SHLD2: variants seen among roughly 807,000 people sequenced by gnomAD.
SHLD2 encodes the protein RINN1-REV7-interacting novel NHEJ regulator 2.
In SHLD2, 30 loss-of-function variants were observed where a neutral mutation model predicts 73.2. The observed-to-expected ratio is 0.41, with a 90% CI of 0.31 to 0.56. The LOEUF is 0.56. Ranked by LOEUF, SHLD2 falls within the 20% of genes least tolerant of loss-of-function variation. SHLD2 has a pLI of 0.28. For synonymous variants in SHLD2, 285 were observed against 370.1 expected (o/e 0.77, Z 2.64); for missense variants, 745 against 1,055.9 (o/e 0.71, Z 4.08).
intron 4 of SHLD2, among the ~76,000 whole-genome samples, chr10:87,161,796 A>G (rs1356234635): frequency 6.6e-6 from 1 of 152,212 alleles, no homozygotes; most frequent in Admixed American, 6.5e-5. Flanking sequence ...ACATGCAAGA[A>G]TAGCTAGGAA....
intron 2 of SHLD2, among the ~76,000 whole-genome samples, chr10:87,107,392 C>T (rs984953177): frequency 6.6e-6 from 1 of 151,692 alleles, no homozygotes; most frequent in African/African-American, 2.4e-5. Context: ...CCAGCCTGGG[C>T]AACAAGAGGG....
At chr10:87,121,633 T>G (rs1466283570) in intron 2 of SHLD2, among the ~76,000 whole-genome samples, 1 of 152,140 alleles carries the variant, frequency 6.6e-6, no homozygotes, top group African/African-American at 2.4e-5. Flanking sequence ...TTTGAGAGCC[T>G]GCTCTACTCA....
chr10:87,144,540 A>T (rs1188856866), intron 2 of SHLD2, among the ~76,000 whole-genome samples: 8 of 150,506 alleles, frequency 5.3e-5, no homozygotes, highest in Admixed American at 4.7e-4. Flanking sequence ...ATCATCTTAT[A>T]TCCTTTCATA....
chr10:87,187,119 G>A lies in SHLD2; in HGVS notation c.2434G>A (p.Asp812Asn). The part of the protein sequence containing the change: ...ALMTAIDGRH[D>N]VCIRVESKLI... ...AATGACTGCCATTGATGGAAGACAT[G>A]ATGTTTGTATCCGTGTAGAATCAAA... The change falls in exon 9 of 10, where the codon GAT becomes AAT. Residue 812 changes from aspartate (D) to asparagine (N), a missense_variant. Transcript: ENST00000298786. 1 of 1,613,478 alleles carries A rather than the reference G, an allele frequency of 6.2e-7. No individual in the cohort carries two copies. Among genetic ancestry groups the A allele is most frequent in the South Asian group, 1.1e-5 (1 of 91,064 alleles).
chr10:87,102,866 A>AT (rs1348465594), intron 2 of SHLD2, among the ~76,000 whole-genome samples: 2 of 151,928 alleles, frequency 1.3e-5, no homozygotes, highest in Admixed American at 1.3e-4. Flanking sequence ...GACTTTTTTT[A>AT]TTTTTTAAAG....
chr10:87,109,725 T>C (rs1170568890), intron 2 of SHLD2, among the ~76,000 whole-genome samples: 1 of 152,226 alleles, frequency 6.6e-6, no homozygotes, highest in Non-Finnish European at 1.5e-5. Context: ...TTGATCAGTG[T>C]GAGAGAACTG....
In SHLD2 at chr10:87,096,918, G is replaced by C. The variant is rs564335329; in HGVS notation, c.-61-16G>C. ...TAAGTCATTGTCATTAATTGTATTT[G>C]CACTGTGTTTTTCAGTGAAAAATGT... On this transcript the variant is annotated splice_polypyrimidine_tract_variant and intron_variant, in intron 1 of 9. Transcript: ENST00000298786. The C allele has an allele frequency of 1.3e-5, 2 of 152,058 alleles. No individual in the cohort carries two copies. Among genetic ancestry groups the C allele is most frequent in the Non-Finnish European group, 2.9e-5 (2 of 68,008 alleles). The allele number at this position is 152,058 out of a possible 1,614,324, so 9.4% of individuals were successfully genotyped here.
chr10:87,094,964 G>C, upstream of SHLD2: 1 of 240,846 alleles, frequency 4.2e-6, no homozygotes, highest in Middle Eastern at 1.3e-3. This position sits in a 1 kb window ranked among gnomAD's most constrained non-coding sequence, Gnocchi z 6.6. Context: ...GCGCCGCCCA[G>C]GGCGCCGGGC....
At chr10:87,098,573 C>T (rs934945027) in intron 2 of SHLD2, among the ~76,000 whole-genome samples, 2 of 150,856 alleles carry the variant, frequency 1.3e-5, no homozygotes, top group African/African-American at 2.4e-5. Context: ...TGTTGATGAT[C>T]ACCAAGCTTG....
chr10:87,150,914 C>T (rs1332747905), intron 2 of SHLD2, among the ~76,000 whole-genome samples: 2 of 151,906 alleles, frequency 1.3e-5, no homozygotes, highest in African/African-American at 2.4e-5. Flanking sequence ...GCAACCTCCG[C>T]CTCCTGGGTT....
chr10:87,135,558 T>C (rs3129469), intron 2 of SHLD2, among the ~76,000 whole-genome samples: 19,916 of 152,092 alleles, frequency 0.13, 2,204 homozygotes, highest in East Asian at 0.63. Flanking sequence ...AGTGGTATGA[T>C]GACAGCTCAC....
intron 2 of SHLD2, among the ~76,000 whole-genome samples, chr10:87,100,129 G>A (rs1194613273): frequency 6.6e-6 from 1 of 152,036 alleles, no homozygotes; most frequent in East Asian, 1.9e-4. Flanking sequence ...ATTTATAAAT[G>A]TTTTCTTTCG....
At chr10:87,157,984 C>T (rs1476254068) in intron 3 of SHLD2, 64 bp from the exon 4 acceptor site, 22 of 1,421,310 alleles carry the variant, frequency 1.5e-5, no homozygotes, top group Admixed American at 1.1e-4. Context: ...TTTGTTGTGA[C>T]TAGTAGGTTA....
intron 2 of SHLD2, chr10:87,114,592 G>C (rs1485378665): frequency 6.6e-6 from 1 of 152,182 alleles, no homozygotes; most frequent in Non-Finnish European, 1.5e-5. Flanking sequence ...AGGCATGGTC[G>C]TGGGTGCCTG....
intron 2 of SHLD2, among the ~76,000 whole-genome samples, chr10:87,106,397 AT>A (rs1238303655): frequency 2.0e-5 from 3 of 146,440 alleles, no homozygotes; most frequent in East Asian, 3.9e-4. Flanking sequence ...GTGATAATAT[AT>A]TTTTTTAACG....
chr10:87,128,625 T>C (rs544096569), intron 2 of SHLD2, among the ~76,000 whole-genome samples: 84 of 152,364 alleles, frequency 5.5e-4, no homozygotes, highest in African/African-American at 1.9e-3. Flanking sequence ...TTTCACTGTA[T>C]GTAACATTGA....
chr10:87,180,684 G>T (rs1848248910), intron 8 of SHLD2, among the ~76,000 whole-genome samples: 2 of 152,206 alleles, frequency 1.3e-5, no homozygotes, highest in South Asian at 4.1e-4. Context: ...GTGGAAGCTA[G>T]TAAGACATTT....
At chr10:87,172,593 A>G (rs1472615928) in intron 6 of SHLD2, among the ~76,000 whole-genome samples, 1 of 152,156 alleles carries the variant, frequency 6.6e-6, no homozygotes, top group Non-Finnish European at 1.5e-5. Flanking sequence ...CTGTTAACCC[A>G]GTACCTTGGG....
intron 2 of SHLD2, chr10:87,113,879 G>C (rs1404638867): frequency 6.6e-6 from 1 of 152,050 alleles, no homozygotes; most frequent in Non-Finnish European, 1.5e-5. Context: ...GTTGGTACAT[G>C]CCTGTCATCC....
Sources: allele counts gnomAD v4.1 joint callset (sites outside exome capture counted in the v4.1 genomes callset), GRCh38; gene constraint gnomAD v4.1.1; non-coding constraint Gnocchi (gnomAD v3.1); transcripts MANE v1.5; gene names NCBI Gene and HGNC (gene_info 2026-07-23, HGNC 2026-07-21).